The following HEATR4 variants were observed in gnomAD, a reference collection of about 807,000 sequenced individuals.
The protein encoded by HEATR4 is HEAT repeat containing 4.
HEATR4 carries 95 observed loss-of-function variants against 108.8 expected under a neutral mutation model. The observed-to-expected ratio is 0.87, with a 90% CI of 0.74 to 1.04. The LOEUF (loss-of-function observed/expected upper bound fraction) is 1.04, where lower values mean the gene tolerates loss of function less well. Among genes scored for constraint, HEATR4 ranks in the 50% least tolerant of loss-of-function variants. The probability of loss-of-function intolerance (pLI) is 0.00; values close to 1 mark genes in which losing one functional copy is unlikely to be tolerated. For missense variants in HEATR4, 1,152 were observed against 1,253.8 expected, an observed-to-expected ratio of 0.92 and a Z score of 1.23; for synonymous variants, 443 against 459.4, an observed-to-expected ratio of 0.96 and a Z score of 0.46.
At chr14:73,595,340 A>G in the HEATR4 span, 1 of 1,614,236 alleles carries the variant, frequency 6.2e-7, no homozygotes, top group Non-Finnish European at 8.5e-7. Context: ...CCAGGGGCCC[A>G]TCCTGCTCAT....
In HEATR4 at chr14:73,506,471, C is replaced by A. The variant is rs138786560; in HGVS notation, c.1982G>T (p.Cys661Phe). ...QAFSRISGNVCLDMKHKLIQL... is the reference protein window; with the variant it reads ...QAFSRISGNVFLDMKHKLIQL... ...GAGGCAAAGAAAGAGGTTTACCAAG[C>A]AGACATTTCCACTGATCCGGGAGAA... The change falls in exon 10 of 18, where the codon TGC becomes TTC. Residue 661 changes from cysteine (C) to phenylalanine (F), a missense_variant. Physicochemically the swap from Cys to Phe is radical, Grantham distance 205. Transcript: ENST00000553558. 6.0e-5 allele frequency: 96 copies of A among 1,612,662 alleles called. No individual in the cohort carries two copies. The African/African-American group carries it at 1.2e-3, about 20-fold the overall frequency.
At chr14:73,559,804 G>T (rs889805418), upstream of HEATR4, among the ~76,000 whole-genome samples, 2 of 152,014 alleles carry the variant, frequency 1.3e-5, no homozygotes, top group Admixed American at 6.6e-5. Flanking sequence ...CACCACAAGG[G>T]TTTATAAATC....
At chr14:73,595,306 C>T in the HEATR4 span, 1 of 1,614,200 alleles carries the variant, frequency 6.2e-7, no homozygotes, top group Non-Finnish European at 8.5e-7. Flanking sequence ...ACAAGAACCC[C>T]AGCATGATTC....
the HEATR4 span, chr14:73,580,546 T>A: frequency 2.0e-5 from 3 of 152,068 alleles, no homozygotes; most frequent in Non-Finnish European, 4.4e-5. Context: ...CAGGAGCTTT[T>A]GAAGAGAGAG....
At chr14:73,578,008 G>A in the HEATR4 span, among the ~76,000 whole-genome samples, 10 of 151,896 alleles carry the variant, frequency 6.6e-5, no homozygotes, top group East Asian at 2.0e-3. Context: ...CCGCCACCAT[G>A]CCCAGCTAAA....
At chr14:73,495,938 G>GC (rs768597281) in intron 15 of HEATR4, among the ~76,000 whole-genome samples, 2 of 152,256 alleles carry the variant, frequency 1.3e-5, no homozygotes, top group Non-Finnish European at 2.9e-5. Flanking sequence ...GACCAGCCTG[G>GC]CCAACATAGC....
At position 73,519,019 on chromosome 14, in the gene HEATR4, T is replaced by TTAAAC; in HGVS notation, c.1210+3_1210+4insGTTTA. The stretch of plus-strand genomic sequence containing the variant: ...CCTGCCTTCCCTGTTAGCTTCCTGC[T>TTAAAC]TACATGCTTCAGGAATTGCCTGGGC... On this transcript the variant is annotated splice_donor_region_variant and intron_variant, in intron 5 of 17. Coordinates refer to ENST00000553558, the MANE Select transcript of HEATR4 (RefSeq NM_001220484.1). 6.2e-7 allele frequency: 1 copy of TTAAAC among 1,611,402 alleles called. No homozygotes were observed. Among genetic ancestry groups the TTAAAC allele is most frequent in the Non-Finnish European group, 8.5e-7 (1 of 1,178,608 alleles).
rs1317806226 is a variant in HEATR4 at position 73,551,239 on chromosome 14, A to G, written c.-152+7512T>C. The stretch of plus-strand genomic sequence containing the variant: ...TTACCCCAACTAGTCAATGAGCCCA[A>G]TTTTCTAGCCCTTTACCCTCCATGA... On this transcript the variant is annotated intron_variant, in intron 1 of 17. Transcript: ENST00000553558. 3.5e-5 allele frequency among the ~76,000 whole-genome samples: 4 copies of G among 114,026 alleles called. 2 individuals are homozygous for G. Among genetic ancestry groups the G allele is most frequent in the Non-Finnish European group, 7.6e-5 (4 of 52,422 alleles). 74.8% of individuals were successfully genotyped at this position (114,026 alleles called of 152,430 possible). A position where few individuals can be genotyped will look rare whatever the true frequency, so the allele number is the denominator to read the frequency against.
chr14:73,527,022 C>G (rs1888382584), intron 2 of HEATR4, among the ~76,000 whole-genome samples: 1 of 151,966 alleles, frequency 6.6e-6, no homozygotes, highest in African/African-American at 2.4e-5. Context: ...CTTATCTTAC[C>G]CAAGGCCACC....
At chr14:73,487,038 C>T (rs962047226) in intron 17 of HEATR4, among the ~76,000 whole-genome samples, 1 of 150,142 alleles carries the variant, frequency 6.7e-6, no homozygotes, top group Non-Finnish European at 1.5e-5. Flanking sequence ...GAGGCCAAGG[C>T]GGGCAGATCA....
chr14:73,556,236 C>T lies in HEATR4; in HGVS notation c.-152+2515G>A, dbSNP rs1360910598. On this transcript the variant is annotated intron_variant, in intron 1 of 17. Coordinates refer to ENST00000553558, the MANE Select transcript of HEATR4 (RefSeq NM_001220484.1). The stretch of plus-strand genomic sequence containing the variant: ...GTCAGCAGTTCAAGAGCAGCATGGC[C>T]AACATGGCGAAACCCCATCTCTACT... Among the ~76,000 whole-genome samples, 12 of 111,798 alleles carry T rather than the reference C, an allele frequency of 1.1e-4. 4 individuals are homozygous for T. The Admixed American group carries it at 1.2e-3, about 11-fold the overall frequency. The allele number at this position is 111,798 out of a possible 152,430, so 73.3% of individuals were successfully genotyped here.
At chr14:73,525,901 C>T (rs759147627) in intron 2 of HEATR4, among the ~76,000 whole-genome samples, 1 of 150,386 alleles carries the variant, frequency 6.6e-6, no homozygotes. Context: ...TGCAGTGAGA[C>T]GAAATGGTGC....
At chr14:73,559,228 G>A (rs1463228821), upstream of HEATR4, among the ~76,000 whole-genome samples, 1 of 151,716 alleles carries the variant, frequency 6.6e-6, no homozygotes, top group Admixed American at 6.6e-5. Flanking sequence ...GTGCCTCCCA[G>A]GTTCAAGCAA....
chr14:73,590,760 G>T, the HEATR4 span, among the ~76,000 whole-genome samples: 1 of 151,700 alleles, frequency 6.6e-6, no homozygotes, highest in East Asian at 1.9e-4. Flanking sequence ...GCCCACCCGG[G>T]ACTCGCGCTG....
At chr14:73,580,491 T>A in the HEATR4 span, among the ~76,000 whole-genome samples, 1 of 151,692 alleles carries the variant, frequency 6.6e-6, no homozygotes, top group Non-Finnish European at 1.5e-5. Context: ...GAAGTGAGTG[T>A]AGTTATTTGC....
At chr14:73,618,296 C>T in the HEATR4 span, among the ~76,000 whole-genome samples, 4 of 152,136 alleles carry the variant, frequency 2.6e-5, no homozygotes, top group African/African-American at 9.7e-5. Flanking sequence ...CCCCACAACC[C>T]CTAGTGCTCT....
At chr14:73,509,212 A>G in intron 8 of HEATR4, 100 bp downstream of exon 8, 1 of 1,153,516 alleles carries the variant, frequency 8.7e-7, no homozygotes, top group East Asian at 2.4e-5. Context: ...AATACAGCAG[A>G]CATTGCAGAG....
chr14:73,533,545 G>C (rs1201335929), intron 1 of HEATR4, among the ~76,000 whole-genome samples: 1 of 113,524 alleles, frequency 8.8e-6, no homozygotes, highest in African/African-American at 2.9e-5. Flanking sequence ...TGGGTGTCCT[G>C]GTACGCGCCT....
At chr14:73,598,389 CAAAA>C in the HEATR4 span, among the ~76,000 whole-genome samples, 5 of 103,340 alleles carry the variant, frequency 4.8e-5, no homozygotes, top group Admixed American at 1.0e-4. Context: ...GACTCCGTCT[CAAAA>C]AAAAAAAAAA....
Sources: gnomAD v4.1 joint callset for allele counts (sites outside exome capture counted in the v4.1 genomes callset) on GRCh38, gnomAD v4.1.1 for gene constraint, MANE v1.5 for transcripts, NCBI Gene and HGNC (gene_info 2026-07-23, HGNC 2026-07-21) for gene names.